PLEKHA7: variants seen among roughly 807,000 people sequenced by gnomAD.
PLEKHA7 encodes the protein pleckstrin homology domain containing A7.
PLEKHA7 carries 104 observed loss-of-function variants against 170.0 expected under a neutral mutation model. The observed-to-expected ratio is 0.61, with a 90% CI of 0.52 to 0.72. The LOEUF (loss-of-function observed/expected upper bound fraction) is 0.72. Ranked by LOEUF, PLEKHA7 falls within the 30% of genes least tolerant of loss-of-function variation. The probability of loss-of-function intolerance (pLI) is 0.00; values close to 1 mark genes in which losing one functional copy is unlikely to be tolerated. For missense variants in PLEKHA7, 1,615 were observed against 1,671.7 expected (o/e 0.97, Z 0.59); for synonymous variants, 648 against 660.8 (o/e 0.98, Z 0.30).
chr11:16,858,083 T>A (rs566954113), intron 4 of PLEKHA7, among the ~76,000 whole-genome samples: 1 of 152,326 alleles, frequency 6.6e-6, no homozygotes, highest in East Asian at 1.9e-4. Context: ...TTACAGAATA[T>A]TTGAGAAATA....
chr11:16,798,659 G>C (rs2134343254), intron 17 of PLEKHA7, among the ~76,000 whole-genome samples: 1 of 152,364 alleles, frequency 6.6e-6, no homozygotes, highest in African/African-American at 2.4e-5. Context: ...GTGCTGACAA[G>C]GATGTGAGCA....
At chr11:16,802,057 TCTAA>T (rs1848629744) in intron 15 of PLEKHA7, among the ~76,000 whole-genome samples, 1 of 152,066 alleles carries the variant, frequency 6.6e-6, no homozygotes, top group Admixed American at 6.5e-5. Context: ...GATACAGCTG[TCTAA>T]CTCCTTATGG....
chr11:16,796,622 A>C (rs1848248323), intron 17 of PLEKHA7, among the ~76,000 whole-genome samples: 1 of 152,156 alleles, frequency 6.6e-6, no homozygotes, highest in Non-Finnish European at 1.5e-5. Context: ...GTATACTAAA[A>C]ACCACTGAAA....
intron 8 of PLEKHA7, among the ~76,000 whole-genome samples, chr11:16,843,328 AGACAAT>A (rs1303851393): frequency 1.3e-5 from 2 of 152,278 alleles, no homozygotes; most frequent in African/African-American, 4.8e-5. Flanking sequence ...ATGAAAAACT[AGACAAT>A]GACATGCTTC....
chr11:16,793,352 C>A (rs1847988696), intron 19 of PLEKHA7, among the ~76,000 whole-genome samples: 1 of 152,216 alleles, frequency 6.6e-6, no homozygotes, highest in Non-Finnish European at 1.5e-5. Flanking sequence ...CCTCTTGGAT[C>A]TGGGATTGGG....
chr11:16,964,926 G>A (rs1271980654), intron 3 of PLEKHA7, among the ~76,000 whole-genome samples: 1 of 151,816 alleles, frequency 6.6e-6, no homozygotes, highest in Non-Finnish European at 1.5e-5. Context: ...CATTAGCACA[G>A]CAGGTATGTA....
intron 15 of PLEKHA7, 78 bp downstream of exon 15, chr11:16,802,894 G>A: frequency 1.7e-6 from 2 of 1,205,668 alleles, no homozygotes; most frequent in Non-Finnish European, 2.5e-6. Flanking sequence ...CTAACATGAG[G>A]GTCCAGCCTA....
At chr11:16,797,789 C>A (rs904481207) in intron 17 of PLEKHA7, among the ~76,000 whole-genome samples, 3 of 152,192 alleles carry the variant, frequency 2.0e-5, no homozygotes, top group Non-Finnish European at 4.4e-5. Context: ...AGGGATTAAA[C>A]GCAGTCCTCT....
intron 3 of PLEKHA7, among the ~76,000 whole-genome samples, chr11:16,959,417 T>C (rs745559169): frequency 2.0e-5 from 3 of 152,184 alleles, no homozygotes; most frequent in Non-Finnish European, 2.9e-5. Flanking sequence ...CCAGATTACC[T>C]CAGGAAACTG....
intron 3 of PLEKHA7, among the ~76,000 whole-genome samples, chr11:16,948,249 C>T (rs973663375): frequency 1.3e-5 from 2 of 152,110 alleles, no homozygotes; most frequent in Admixed American, 1.3e-4. Context: ...TTCAAGAGAT[C>T]TATTGTACCT....
intron 10 of PLEKHA7, among the ~76,000 whole-genome samples, chr11:16,821,536 G>T (rs1461888063): frequency 6.6e-6 from 1 of 152,158 alleles, no homozygotes; most frequent in Non-Finnish European, 1.5e-5. Flanking sequence ...GGATCATATT[G>T]CAGTTCAAAT....
chr11:16,873,942 C>T (rs549416835), intron 3 of PLEKHA7, among the ~76,000 whole-genome samples: 2 of 152,312 alleles, frequency 1.3e-5, no homozygotes, highest in South Asian at 4.1e-4. Flanking sequence ...GCTGGGATTA[C>T]AGGCATGACC....
chr11:16,816,285 A>C (rs746710186), intron 11 of PLEKHA7, 21 bp from the exon 12 acceptor site: 1 of 1,589,820 alleles, frequency 6.3e-7, no homozygotes, highest in East Asian at 2.2e-5. Flanking sequence ...GGAGACAAGA[A>C]GTCACACTGG....
chr11:16,970,670 A>AAAAAAC (rs143626244), intron 3 of PLEKHA7, among the ~76,000 whole-genome samples: 7 of 152,152 alleles, frequency 4.6e-5, no homozygotes, highest in Admixed American at 3.9e-4. Flanking sequence ...CCATCTCAAA[A>AAAAAAC]AAAAACAAAA....
At chr11:16,954,677 A>C (rs1351950121) in intron 3 of PLEKHA7, among the ~76,000 whole-genome samples, 1 of 151,996 alleles carries the variant, frequency 6.6e-6, no homozygotes, top group African/African-American at 2.4e-5. Flanking sequence ...GACATACTTT[A>C]CAGTTGTCTC....
At chr11:16,947,929 A>G (rs1417716278) in intron 3 of PLEKHA7, among the ~76,000 whole-genome samples, 2 of 151,560 alleles carry the variant, frequency 1.3e-5, no homozygotes, top group East Asian at 3.9e-4. Flanking sequence ...AAAAAAAAAA[A>G]AAAGAAAAAA....
chr11:16,965,730 A>G (rs900635530), intron 3 of PLEKHA7, among the ~76,000 whole-genome samples: 2 of 152,192 alleles, frequency 1.3e-5, no homozygotes, highest in Non-Finnish European at 2.9e-5. Context: ...TCTGAGGCAA[A>G]TTAGGTCATT....
chr11:16,851,165 C>T, intron 8 of PLEKHA7, 26 bp downstream of exon 8: 4 of 1,519,132 alleles, frequency 2.6e-6, no homozygotes, highest in Non-Finnish European at 3.6e-6. Context: ...GACAGAATGG[C>T]TGCATTAGAG....
At chr11:16,779,197 C>T (rs900836258) in intron 26 of PLEKHA7, among the ~76,000 whole-genome samples, 177 bp from the exon 27 acceptor site, 7 of 152,348 alleles carry the variant, frequency 4.6e-5, no homozygotes, top group Non-Finnish European at 7.4e-5. Flanking sequence ...TCTTGCCCCA[C>T]CCTCCCTGCA....
Sources: gnomAD v4.1 joint callset for allele counts (sites outside exome capture counted in the v4.1 genomes callset) on GRCh38, gnomAD v4.1.1 for gene constraint, MANE v1.5 for transcripts, NCBI Gene and HGNC (gene_info 2026-07-23, HGNC 2026-07-21) for gene names.